EYS: variants seen among roughly 807,000 people sequenced by gnomAD.
EYS encodes protein eyes shut homolog.
EYS carries 250 observed loss-of-function variants against 282.1 expected under a neutral mutation model. The observed-to-expected ratio is 0.89, with a 90% CI of 0.80 to 0.98. The LOEUF (loss-of-function observed/expected upper bound fraction) is 0.98. Ranked by LOEUF, EYS falls within the 50% of genes least tolerant of loss-of-function variation. The pLI is 0.00. For synonymous variants in EYS, 1,355 were observed against 1,282.9 expected (o/e 1.06, Z -1.20); for missense variants, 4,016 against 3,709.0 (o/e 1.08, Z -2.15).
chr6:64,348,638 T>C (rs1771504854), intron 29 of EYS, among the ~76,000 whole-genome samples: 1 of 151,500 alleles, frequency 6.6e-6, no homozygotes, highest in Non-Finnish European at 1.5e-5. Context: ...CTCTGATGCC[T>C]TGCAAATGTT....
chr6:64,066,070 T>A (rs1490206777), intron 33 of EYS, among the ~76,000 whole-genome samples: 1 of 152,122 alleles, frequency 6.6e-6, no homozygotes, highest in East Asian at 1.9e-4. Flanking sequence ...GAGACCAGCC[T>A]GGCCGGCATG....
At chr6:64,859,458 G>A (rs973517142) in intron 19 of EYS, among the ~76,000 whole-genome samples, 5 of 151,928 alleles carry the variant, frequency 3.3e-5, no homozygotes, top group African/African-American at 1.2e-4. Flanking sequence ...GGAAATATAT[G>A]CCATTTTGAT....
chr6:64,370,585 A>G (rs957492832), intron 29 of EYS, among the ~76,000 whole-genome samples: 2 of 152,142 alleles, frequency 1.3e-5, no homozygotes, highest in African/African-American at 4.8e-5. Flanking sequence ...GAATAGTTTC[A>G]GTATTAATAG....
chr6:65,006,033 G>A (rs1277103273), intron 13 of EYS, among the ~76,000 whole-genome samples: 2 of 151,964 alleles, frequency 1.3e-5, no homozygotes, highest in South Asian at 2.1e-4. Context: ...AGGGATCTAA[G>A]GAGGCTCTAC....
Position 65,047,032 on chromosome 6 carries a change from G to A in EYS, c.2137+10582C>T, listed in dbSNP as rs558765721. Among the ~76,000 whole-genome samples, 5 of 151,214 alleles carry A rather than the reference G, an allele frequency of 3.3e-5. No individual in the cohort carries two copies. The South Asian group carries it at 1.0e-3, about 32-fold the overall frequency. Reference sequence around the variant, plus strand: ...CCTTCACCTTCTGCTGTGATTCTAAGTTTTCTGAGGCCTCTGCAGCCATCC... The same window carrying A: ...CCTTCACCTTCTGCTGTGATTCTAAATTTTCTGAGGCCTCTGCAGCCATCC... On this transcript the variant is annotated intron_variant, in intron 13 of 42. Transcript: ENST00000503581.
At chr6:65,330,032 A>G in intron 11 of EYS, 1 of 984,534 alleles carries the variant, frequency 1.0e-6, no homozygotes, top group Non-Finnish European at 1.2e-6. Context: ...TCCAGAAAGA[A>G]AGCCAGAAGA....
chr6:63,929,416 A>T (rs1425032856), intron 35 of EYS, among the ~76,000 whole-genome samples: 1 of 152,218 alleles, frequency 6.6e-6, no homozygotes, highest in East Asian at 1.9e-4. Flanking sequence ...CTCTCTCCTT[A>T]GGTTAGAAGG....
chr6:65,309,042 T>C (rs1769085606), intron 11 of EYS, among the ~76,000 whole-genome samples: 1 of 152,020 alleles, frequency 6.6e-6, no homozygotes, highest in South Asian at 2.1e-4. Context: ...AGGTTGAGAA[T>C]TGCATGGTAT....
At chr6:65,611,102 A>C (rs973619866) in intron 2 of EYS, among the ~76,000 whole-genome samples, 9 of 151,994 alleles carry the variant, frequency 5.9e-5, no homozygotes, top group African/African-American at 2.2e-4. Context: ...CCCAGGAAAT[A>C]ATACATACTT....
At chr6:65,567,178 G>T (rs1764293583) in intron 2 of EYS, among the ~76,000 whole-genome samples, 1 of 151,714 alleles carries the variant, frequency 6.6e-6, no homozygotes, top group African/African-American at 2.4e-5. Flanking sequence ...CAAGAAGGCT[G>T]TCACCAGATC....
chr6:65,404,894 A>C, intron 6 of EYS, among the ~76,000 whole-genome samples: 1 of 152,040 alleles, frequency 6.6e-6, no homozygotes, highest in Non-Finnish European at 1.5e-5. Context: ...GAAAAGTTAA[A>C]GTAAAACAAT....
intron 31 of EYS, among the ~76,000 whole-genome samples, chr6:64,217,867 C>T (rs958289264): frequency 1.8e-4 from 27 of 152,130 alleles, no homozygotes; most frequent in African/African-American, 6.5e-4. Context: ...GAGGCATATC[C>T]TACCCCCACC....
At chr6:64,904,470 T>C (rs1767764409) in intron 16 of EYS, among the ~76,000 whole-genome samples, 1 of 152,222 alleles carries the variant, frequency 6.6e-6, no homozygotes, top group African/African-American at 2.4e-5. Context: ...TTTCTATATT[T>C]AGGTTGTAAA....
At chr6:64,630,835 T>C (rs1767755149) in intron 22 of EYS, among the ~76,000 whole-genome samples, 1 of 152,246 alleles carries the variant, frequency 6.6e-6, no homozygotes, top group Admixed American at 6.5e-5. Context: ...TGCATAACAA[T>C]TTATAACCCC....
intron 22 of EYS, among the ~76,000 whole-genome samples, chr6:64,662,000 T>G (rs1769045831): frequency 6.6e-6 from 1 of 151,736 alleles, no homozygotes; most frequent in Non-Finnish European, 1.5e-5. Context: ...CCAACAATGA[T>G]AGACTCAATT....
At chr6:65,406,738 TATGTGCA>T (rs1175589417) in intron 5 of EYS, among the ~76,000 whole-genome samples, 1 of 152,174 alleles carries the variant, frequency 6.6e-6, no homozygotes, top group Non-Finnish European at 1.5e-5. Flanking sequence ...TATGCCTTTT[TATGTGCA>T]ATAAAGTTGC....
chr6:64,249,063 C>CAAAAAAAAAAAA (rs34663169), intron 30 of EYS, among the ~76,000 whole-genome samples: 5 of 70,054 alleles, frequency 7.1e-5, no homozygotes, highest in Admixed American at 1.6e-4. Context: ...CACCCTGTCT[C>CAAAAAAAAAAAA]AAAAAAAAAA....
At chr6:64,098,565 C>A (rs1328329756) in intron 31 of EYS, among the ~76,000 whole-genome samples, 1 of 151,178 alleles carries the variant, frequency 6.6e-6, no homozygotes. Context: ...TAGGGTTATG[C>A]AAAGTCTTCA....
At chr6:64,681,358 T>C (rs950540864) in intron 22 of EYS, among the ~76,000 whole-genome samples, 3 of 152,102 alleles carry the variant, frequency 2.0e-5, no homozygotes, top group African/African-American at 7.2e-5. Context: ...AGAGATCAAG[T>C]ACAAAGTTGC....
Sources: allele counts gnomAD v4.1 joint callset (sites outside exome capture counted in the v4.1 genomes callset), GRCh38; gene constraint gnomAD v4.1.1; transcripts MANE v1.5; gene names NCBI Gene and HGNC (gene_info 2026-07-23, HGNC 2026-07-21).